The following PKHD1 variants were observed in gnomAD, a reference collection of about 807,000 sequenced individuals.
The protein encoded by PKHD1 is PKHD1 ciliary IPT domain containing fibrocystin/polyductin.
Under a neutral mutation model 412.0 loss-of-function variants are expected in PKHD1, and 291 were observed. The ratio of observed to expected loss-of-function variants is 0.71; its 90% confidence interval spans 0.64 to 0.78. The LOEUF is 0.78. PKHD1 is among the 30% of genes least tolerant of loss of function. The pLI, the probability that PKHD1 is intolerant of heterozygous loss-of-function variation, is 0.00. For synonymous variants in PKHD1, 1,777 were observed against 1,821.5 expected (o/e 0.98, Z 0.62); for missense variants, 4,825 against 4,950.7 (o/e 0.97, Z 0.76).
chr6:51,759,970 G>A (rs1237324598), intron 55 of PKHD1, among the ~76,000 whole-genome samples: 1 of 151,892 alleles, frequency 6.6e-6, no homozygotes, highest in Non-Finnish European at 1.5e-5. Context: ...CATAATAGTA[G>A]TGAATTTGGC....
chr6:51,900,870 C>T (rs537759179), intron 43 of PKHD1, among the ~76,000 whole-genome samples: 1 of 152,308 alleles, frequency 6.6e-6, no homozygotes, highest in Non-Finnish European at 1.5e-5. Context: ...CATGAACAGA[C>T]ACTTCTCAAA....
chr6:51,853,442 G>A (rs1202163730), intron 49 of PKHD1, among the ~76,000 whole-genome samples: 1 of 152,150 alleles, frequency 6.6e-6, no homozygotes, highest in Non-Finnish European at 1.5e-5. Context: ...GGTGTTCTCT[G>A]CATTTCCTGA....
chr6:51,994,976 A>G (rs1470479088), intron 35 of PKHD1, among the ~76,000 whole-genome samples: 5 of 152,114 alleles, frequency 3.3e-5, no homozygotes, highest in Admixed American at 3.3e-4. Context: ...AGACCACTAT[A>G]TCATACCACC....
chr6:51,643,638 T>C (rs1368648355), intron 63 of PKHD1, among the ~76,000 whole-genome samples: 3 of 152,236 alleles, frequency 2.0e-5, no homozygotes, highest in African/African-American at 7.2e-5. Flanking sequence ...GTGGACATGC[T>C]GAAAACATTT....
At chr6:51,908,126 T>C (rs1782396776) in intron 40 of PKHD1, among the ~76,000 whole-genome samples, 1 of 152,124 alleles carries the variant, frequency 6.6e-6, no homozygotes, top group Admixed American at 6.6e-5. Context: ...ATAAAGATAC[T>C]AATCAATCCG....
intron 27 of PKHD1, among the ~76,000 whole-genome samples, chr6:52,038,818 T>C (rs777093586): frequency 1.3e-5 from 2 of 152,284 alleles, no homozygotes; most frequent in South Asian, 2.1e-4. Context: ...CTTTGTAACA[T>C]TGGATTAGGC....
intron 36 of PKHD1, among the ~76,000 whole-genome samples, chr6:51,955,699 T>C (rs1167197594): frequency 6.6e-6 from 1 of 152,088 alleles, no homozygotes; most frequent in Non-Finnish European, 1.5e-5. Context: ...TTAGCAGTAA[T>C]CCTTTCAAAA....
At chr6:51,662,844 C>A (rs909498076) in intron 60 of PKHD1, among the ~76,000 whole-genome samples, 7 of 151,900 alleles carry the variant, frequency 4.6e-5, no homozygotes, top group South Asian at 2.1e-4. Flanking sequence ...AAAATTGACA[C>A]AAGATAAAAC....
intron 60 of PKHD1, among the ~76,000 whole-genome samples, chr6:51,679,173 C>T (rs1286744004): frequency 6.6e-6 from 1 of 152,020 alleles, no homozygotes; most frequent in Non-Finnish European, 1.5e-5. Flanking sequence ...GAATTTTTTT[C>T]CCTCTCATGA....
At chr6:51,662,866 A>C (rs553369244) in intron 60 of PKHD1, among the ~76,000 whole-genome samples, 78 of 152,180 alleles carry the variant, frequency 5.1e-4, no homozygotes, top group African/African-American at 1.9e-3. Context: ...GAAATTTTGA[A>C]CTGTTCTATG....
chr6:51,931,730 G>C (rs1019249192), intron 37 of PKHD1, among the ~76,000 whole-genome samples: 1 of 152,150 alleles, frequency 6.6e-6, no homozygotes, highest in Non-Finnish European at 1.5e-5. Context: ...CTGTGATTCA[G>C]GTGAGATCCT....
intron 60 of PKHD1, among the ~76,000 whole-genome samples, chr6:51,689,958 C>T (rs551809986): frequency 6.6e-6 from 1 of 152,188 alleles, no homozygotes; most frequent in South Asian, 2.1e-4. Context: ...CTATAAACTA[C>T]CATTGAAATT....
Position 51,618,549 on chromosome 6 carries a change from G to A in PKHD1, c.*532C>T, listed in dbSNP as rs1413986723. ...AATAAAATCCACTTGTAAAAAGCCA[G>A]GAAGTTGCCTTGTGGTTGGAAGGTA... On this transcript the variant is annotated 3_prime_UTR_variant, in exon 67 of 67. Transcript: ENST00000371117. 5.9e-6 allele frequency: 1 copy of A among 169,456 alleles called. No homozygotes were observed. Among genetic ancestry groups the A allele is most frequent in the African/African-American group, 2.4e-5 (1 of 41,578 alleles). 10.5% of individuals were successfully genotyped at this position (169,456 alleles called of 1,614,324 possible).
chr6:51,802,288 C>T (rs1292682015), intron 52 of PKHD1, among the ~76,000 whole-genome samples: 1 of 151,506 alleles, frequency 6.6e-6, no homozygotes, highest in Non-Finnish European at 1.5e-5. Flanking sequence ...TTGCAATCCC[C>T]AGAAGACCTA....
chr6:51,691,380 C>A (rs1778138592), intron 60 of PKHD1, among the ~76,000 whole-genome samples: 1 of 152,092 alleles, frequency 6.6e-6, no homozygotes, highest in East Asian at 1.9e-4. Context: ...GCACTATTCA[C>A]AGTAGCAAAG....
At chr6:51,952,789 G>A (rs1450279064) in intron 36 of PKHD1, among the ~76,000 whole-genome samples, 2 of 152,020 alleles carry the variant, frequency 1.3e-5, no homozygotes, top group Non-Finnish European at 2.9e-5. Flanking sequence ...TTCTTCATCA[G>A]GCCTCCCTTC....
intron 32 of PKHD1, among the ~76,000 whole-genome samples, chr6:52,023,894 C>A (rs1324939016): frequency 1.3e-5 from 2 of 152,128 alleles, no homozygotes; most frequent in African/African-American, 4.8e-5. Context: ...AAGCTGAGAC[C>A]AAATTTTTTC....
intron 48 of PKHD1, among the ~76,000 whole-genome samples, chr6:51,865,304 A>G (rs2151746521): frequency 6.6e-6 from 1 of 152,232 alleles, no homozygotes; most frequent in Middle Eastern, 3.4e-3. Context: ...TTTTTTCTTC[A>G]CCCAAATATT....
intron 49 of PKHD1, among the ~76,000 whole-genome samples, chr6:51,855,641 G>T (rs558502922): frequency 4.6e-4 from 70 of 152,212 alleles, no homozygotes; most frequent in Admixed American, 1.9e-3. Flanking sequence ...ATTTTCAGGC[G>T]TAACCATTCT....
Sources: allele counts gnomAD v4.1 joint callset (sites outside exome capture counted in the v4.1 genomes callset), GRCh38; gene constraint gnomAD v4.1.1; transcripts MANE v1.5; gene names NCBI Gene and HGNC (gene_info 2026-07-23, HGNC 2026-07-21).